Variants in GALNTL6 observed in about 807,000 individuals in gnomAD.
GALNTL6 encodes the protein polypeptide N-acetylgalactosaminyltransferase-like 6.
GALNTL6 carries 46 observed loss-of-function variants against 73.7 expected under a neutral mutation model. That is an observed-to-expected ratio of 0.62 (90% CI 0.49 to 0.80). GALNTL6 has a LOEUF of 0.80. GALNTL6 is among the 30% of genes least tolerant of loss of function. GALNTL6 has a pLI of 0.00. For synonymous variants in GALNTL6, 259 were observed against 263.7 expected (o/e 0.98, Z 0.17); for missense variants, 604 against 755.0 (o/e 0.80, Z 2.34).
intron 2 of GALNTL6, among the ~76,000 whole-genome samples, chr4:172,087,371 G>A (rs111564770): frequency 0.033 from 4,920 of 151,114 alleles, 258 homozygotes; most frequent in African/African-American, 0.11. Context: ...CGTGAACCCG[G>A]GAGGCGGAGC....
chr4:171,907,836 C>T (rs1193881838), intron 2 of GALNTL6, among the ~76,000 whole-genome samples: 18 of 151,808 alleles, frequency 1.2e-4, no homozygotes, highest in East Asian at 7.7e-4. Context: ...TCAGAAATAA[C>T]GCCACATATC....
At chr4:172,388,923 G>A (rs1331634035) in intron 5 of GALNTL6, among the ~76,000 whole-genome samples, 1 of 151,882 alleles carries the variant, frequency 6.6e-6, no homozygotes, top group African/African-American at 2.4e-5. Flanking sequence ...GAAAAGCTGT[G>A]CTATATCTAT....
At chr4:172,561,822 T>A (rs1040866280) in intron 5 of GALNTL6, among the ~76,000 whole-genome samples, 1 of 152,128 alleles carries the variant, frequency 6.6e-6, no homozygotes, top group East Asian at 1.9e-4. Context: ...CCTCCAGAGA[T>A]TCATTGTACA....
At chr4:172,761,595 T>A (rs973057823) in intron 5 of GALNTL6, among the ~76,000 whole-genome samples, 9 of 152,292 alleles carry the variant, frequency 5.9e-5, no homozygotes, top group African/African-American at 2.2e-4. Context: ...TTCCCCATGC[T>A]ATTCTAGTGA....
At chr4:172,654,649 G>T (rs965664659) in intron 5 of GALNTL6, among the ~76,000 whole-genome samples, 7 of 152,122 alleles carry the variant, frequency 4.6e-5, no homozygotes, top group African/African-American at 1.7e-4. Flanking sequence ...TCCCATAAAT[G>T]CAAGCTGTCA....
At chr4:171,832,360 T>C (rs1049796368) in intron 2 of GALNTL6, among the ~76,000 whole-genome samples, 15 of 151,660 alleles carry the variant, frequency 9.9e-5, no homozygotes, top group African/African-American at 3.6e-4. Context: ...ATTATTTATC[T>C]CATGAATTAA....
intron 10 of GALNTL6, among the ~76,000 whole-genome samples, chr4:172,956,711 T>C (rs1749770778): frequency 6.6e-6 from 1 of 152,186 alleles, no homozygotes; most frequent in South Asian, 2.1e-4. Flanking sequence ...GGCTGTACCT[T>C]GTAGCATTCT....
At chr4:172,621,013 C>T (rs1039670827) in intron 5 of GALNTL6, among the ~76,000 whole-genome samples, 1 of 152,096 alleles carries the variant, frequency 6.6e-6, no homozygotes, top group Non-Finnish European at 1.5e-5. Context: ...TAATAAGATG[C>T]CCTCTGTCAG....
At chr4:171,923,715 A>C (rs1196251099) in intron 2 of GALNTL6, among the ~76,000 whole-genome samples, 1 of 149,656 alleles carries the variant, frequency 6.7e-6, no homozygotes, top group Non-Finnish European at 1.5e-5. Flanking sequence ...AAAAAGGCTT[A>C]CTGGAATTAT....
chr4:172,719,045 C>T (rs1021620469), intron 5 of GALNTL6, among the ~76,000 whole-genome samples: 3 of 152,194 alleles, frequency 2.0e-5, no homozygotes, highest in African/African-American at 7.2e-5. Flanking sequence ...GGCCAGACAC[C>T]TTTCTTTCGA....
chr4:172,561,259 C>CAAAAAAAAAAAA (rs59249298), intron 5 of GALNTL6, among the ~76,000 whole-genome samples: 1 of 60,130 alleles, frequency 1.7e-5, no homozygotes, highest in Non-Finnish European at 2.7e-5. Flanking sequence ...GACTCCGTCT[C>CAAAAAAAAAAAA]AAAAAAAAAA....
chr4:172,069,025 C>G lies in GALNTL6; in HGVS notation c.139-160631C>G, dbSNP rs989405610. On this transcript the variant is annotated intron_variant, in intron 2 of 12. Transcript: ENST00000506823. ...ATGTCAGGTTTGGTTTGGTTGTCAT[C>G]CACAGATTTTTATTTATTCCAGCAC... Among the ~76,000 whole-genome samples the G allele has an allele frequency of 4.6e-5, 5 of 109,176 alleles. 2 individuals carry two copies. Among genetic ancestry groups the G allele is most frequent in the African/African-American group, 6.9e-5 (2 of 28,882 alleles). 71.6% of individuals were successfully genotyped at this position (109,176 alleles called of 152,430 possible). A position where few individuals can be genotyped will look rare whatever the true frequency, so the allele number is the denominator to read the frequency against.
chr4:172,083,713 T>C (rs1478554218), intron 2 of GALNTL6, among the ~76,000 whole-genome samples: 1 of 152,206 alleles, frequency 6.6e-6, no homozygotes, highest in African/African-American at 2.4e-5. Flanking sequence ...CTATGCCACA[T>C]ATCATGTAAT....
chr4:172,678,397 G>A (rs1403823465), intron 5 of GALNTL6, among the ~76,000 whole-genome samples: 1 of 151,376 alleles, frequency 6.6e-6, no homozygotes, highest in Admixed American at 6.6e-5. Context: ...ACAGGCTGGA[G>A]TGCAATGGCA....
rs191163851 is a variant in GALNTL6, at chr4:172,455,520, G to A, written c.553+106831G>A. 9.3e-4 allele frequency among the ~76,000 whole-genome samples: 141 copies of A among 152,240 alleles called. 1 individual carries two copies. The highest frequency in any genetic ancestry group is 3.4e-3 in the Middle Eastern group (1 of 294). On this transcript the variant is annotated intron_variant, in intron 5 of 12. Coordinates refer to ENST00000506823, the MANE Select transcript of GALNTL6 (RefSeq NM_001034845.3). ...GACCTGGGACACTCGAGCTTGGGTC[G>A]GGGAAAGGCGTCCACCATTACTGAG...
chr4:172,303,391 A>G (rs1740010274), intron 3 of GALNTL6, among the ~76,000 whole-genome samples: 1 of 152,130 alleles, frequency 6.6e-6, no homozygotes, highest in African/African-American at 2.4e-5. Flanking sequence ...CCAACAATTT[A>G]CTACCTTTCT....
chr4:172,032,621 T>C lies in GALNTL6; in HGVS notation c.139-197035T>C, dbSNP rs1185788074. On this transcript the variant is annotated intron_variant, in intron 2 of 12. Coordinates refer to ENST00000506823, the MANE Select transcript of GALNTL6 (RefSeq NM_001034845.3). ...TCATTCATATTGTTAAAACCTGCCT[T>C]AGGTGCTCTGTGGACATAAATAAGA... is the stretch of plus-strand genomic sequence containing the variant. Among the ~76,000 whole-genome samples the C allele has an allele frequency of 7.2e-5, 11 of 152,184 alleles. No individual in the cohort carries two copies. In the East Asian group the frequency reaches 1.9e-3, roughly 27 times the overall value.
intron 5 of GALNTL6, among the ~76,000 whole-genome samples, chr4:172,492,297 G>A (rs1027458699): frequency 6.6e-6 from 1 of 152,026 alleles, no homozygotes; most frequent in African/African-American, 2.4e-5. Flanking sequence ...TAAAACCAAT[G>A]AGATTTTTTG....
At chr4:172,953,792 T>G (rs536183511) in intron 10 of GALNTL6, among the ~76,000 whole-genome samples, 7 of 152,256 alleles carry the variant, frequency 4.6e-5, no homozygotes, top group Non-Finnish European at 1.0e-4. Context: ...AGTTATTAAT[T>G]TGGTCTCATC....
Sources: allele counts gnomAD v4.1 joint callset (sites outside exome capture counted in the v4.1 genomes callset), GRCh38; gene constraint gnomAD v4.1.1; transcripts MANE v1.5; gene names NCBI Gene and HGNC (gene_info 2026-07-23, HGNC 2026-07-21).